Variants in ANK1 observed in about 807,000 individuals in gnomAD.
ANK1 encodes ankyrin 1, also known as ankyrin-1.
In ANK1, 51 loss-of-function variants were observed where a neutral mutation model predicts 210.4. The observed-to-expected ratio is 0.24, with a 90% CI of 0.19 to 0.31. The LOEUF (loss-of-function observed/expected upper bound fraction) is 0.31. ANK1 is among the 10% of genes least tolerant of loss of function. The pLI is 1.00. For missense variants in ANK1, 2,051 were observed against 2,504.4 expected, an observed-to-expected ratio of 0.82 and a Z score of 3.86; for synonymous variants, 967 against 1,025.9, an observed-to-expected ratio of 0.94 and a Z score of 1.10.
At chr8:41,807,609 T>A (rs1851156610) in intron 1 of ANK1, among the ~76,000 whole-genome samples, 2 of 152,026 alleles carry the variant, frequency 1.3e-5, no homozygotes, top group Non-Finnish European at 2.9e-5. Flanking sequence ...GTGCTGGTGG[T>A]GGCAGTGGTC....
chr8:41,721,322 C>T (rs117342379), intron 9 of ANK1, among the ~76,000 whole-genome samples: 76 of 152,166 alleles, frequency 5.0e-4, no homozygotes, highest in Admixed American at 7.9e-4. Flanking sequence ...ACCAGAAGCT[C>T]GGGGAGAGAC....
rs542141905 is a variant in ANK1 at position 41,786,591 on chromosome 8, A to G, written c.27+10921T>C. On this transcript the variant is annotated intron_variant, in intron 1 of 42. Coordinates refer to ENST00000289734, the MANE Select transcript of ANK1 (RefSeq NM_000037.4). ...TCAGAACAGTTATCCTAATCCTGGA[A>G]TGGCTATTTAAGTACCACTTTGTGC... 2.6e-5 allele frequency among the ~76,000 whole-genome samples: 4 copies of G among 152,310 alleles called. No homozygotes were observed. The East Asian group carries it at 7.7e-4, about 29-fold the overall frequency.
rs1563571515 is a variant in ANK1, at chr8:41,724,443, GC to G, written c.711+12del. 7.1e-6 allele frequency: 11 copies of G among 1,558,740 alleles called. No individual in the cohort carries two copies. In the South Asian group the frequency reaches 1.2e-4, roughly 17 times the overall value. ...GCCCCCGGACAGTGAGGGCGCACGT[GC>G]CCCAGGGTTACCTGTGGTGTGAAAT... On this transcript the variant is annotated intron_variant, in intron 7 of 42. Coordinates refer to ENST00000289734, the MANE Select transcript of ANK1 (RefSeq NM_000037.4).
chr8:41,873,134 A>T (rs1815879126), intron 1 of ANK1, among the ~76,000 whole-genome samples: 1 of 152,226 alleles, frequency 6.6e-6, no homozygotes, highest in African/African-American at 2.4e-5. Flanking sequence ...AAAAAGAAAA[A>T]AGTCACTATT....
chr8:41,754,088 T>C (rs1235491996), intron 2 of ANK1, among the ~76,000 whole-genome samples: 2 of 152,200 alleles, frequency 1.3e-5, no homozygotes, highest in East Asian at 3.9e-4. Flanking sequence ...TATCTGTTTG[T>C]GTCATTATTT....
At chr8:41,765,745 C>T (rs938335384) in intron 1 of ANK1, among the ~76,000 whole-genome samples, 2 of 152,136 alleles carry the variant, frequency 1.3e-5, no homozygotes, top group African/African-American at 2.4e-5. Flanking sequence ...CTGAGACACC[C>T]AGACTATTAT....
At chr8:41,845,124 C>A (rs1809767357) in intron 1 of ANK1, among the ~76,000 whole-genome samples, 1 of 152,178 alleles carries the variant, frequency 6.6e-6, no homozygotes, top group Admixed American at 6.5e-5. Context: ...GTGACTCACG[C>A]CTGTAATCCT....
chr8:41,736,076 T>A (rs1398795424), intron 2 of ANK1, among the ~76,000 whole-genome samples: 1 of 152,180 alleles, frequency 6.6e-6, no homozygotes, highest in Non-Finnish European at 1.5e-5. Flanking sequence ...GGTCCAAAGC[T>A]GTGTGGATTC....
chr8:41,896,105 G>A (rs1820471416), intron 1 of ANK1, among the ~76,000 whole-genome samples: 1 of 152,296 alleles, frequency 6.6e-6, no homozygotes, highest in Admixed American at 6.5e-5. Flanking sequence ...CAGCTGGCGG[G>A]AGGATTCTGC....
chr8:41,857,805 G>A (rs531269659), intron 1 of ANK1, among the ~76,000 whole-genome samples: 169 of 150,998 alleles, frequency 1.1e-3, no homozygotes, highest in African/African-American at 3.9e-3. Flanking sequence ...TAGAGAGGCT[G>A]AGGCAGGAGA....
chr8:41,690,033 G>A (rs562413361), intron 33 of ANK1, among the ~76,000 whole-genome samples, 194 bp downstream of exon 33: 6 of 152,306 alleles, frequency 3.9e-5, no homozygotes, highest in Admixed American at 6.5e-5. Flanking sequence ...TTGCAGAGAG[G>A]GCCAGGGCAT....
In ANK1 at chr8:41,688,586, T is replaced by C; in HGVS notation, c.4108A>G (p.Ser1370Gly). ...GTCCTTCTCCTATCTTCGGCTCCACTTCCCTGCAGAAGAAGAAAGGGTGCT... is the reference window on the plus strand; with the variant it reads ...GTCCTTCTCCTATCTTCGGCTCCACCTCCCTGCAGAAGAAGAAAGGGTGCT... ...NITMPPCAKGSGAEDRRRTPT... is the reference protein window; with the variant it reads ...NITMPPCAKGGGAEDRRRTPT... The change falls in exon 34 of 43, where the codon AGT becomes GGT. Residue 1370 changes from serine (S) to glycine (G), a missense_variant. By Grantham distance (56) the Ser-to-Gly change is moderately conservative (BLOSUM62 0). This residue lies in a region of ANK1 where 1,413 missense variants were observed against 1,707.4 expected (regional missense o/e 0.83). Coordinates refer to ENST00000289734, the MANE Select transcript of ANK1 (RefSeq NM_000037.4). The C allele has an allele frequency of 6.2e-7, 1 of 1,613,958 alleles. No individual in the cohort carries two copies. The highest frequency in any genetic ancestry group is 1.1e-5 in the South Asian group (1 of 91,062).
chr8:41,719,884 A>G lies in ANK1; in HGVS notation c.910-26T>C, dbSNP rs375200015. ...CTGGGTAAAGAGGAAAACACAAGCAATCACAAAGTCTTCTGGGGACCGAGC... is the reference window on the plus strand; with the variant it reads ...CTGGGTAAAGAGGAAAACACAAGCAGTCACAAAGTCTTCTGGGGACCGAGC... On this transcript the variant is annotated intron_variant, in intron 9 of 42. Transcript: ENST00000289734. The G allele has an allele frequency of 3.1e-5, 50 of 1,612,826 alleles. No homozygotes were observed. In the African/African-American group the frequency reaches 5.3e-4, roughly 17 times the overall value.
rs1490180645 is a variant in ANK1, at chr8:41,654,958, C to G, written c.*832G>C. The G allele has an allele frequency of 6.6e-6, 1 of 152,592 alleles. No individual in the cohort carries two copies. Among genetic ancestry groups the G allele is most frequent in the African/African-American group, 2.4e-5 (1 of 41,430 alleles). 9.5% of individuals were successfully genotyped at this position (152,592 alleles called of 1,614,324 possible). On this transcript the variant is annotated 3_prime_UTR_variant, in exon 43 of 43. Transcript: ENST00000289734. ...GCCTCAGATTCTTAAGTCCCTAACA[C>G]AAGGAACCCCGAATGCACTCTTCAA...
chr8:41,820,960 C>A (rs1338387889), intron 1 of ANK1, among the ~76,000 whole-genome samples: 1 of 152,116 alleles, frequency 6.6e-6, no homozygotes, highest in Non-Finnish European at 1.5e-5. Flanking sequence ...ACAAAAAGTC[C>A]CTTGGGCAAT....
chr8:41,788,125 G>A (rs752649344), intron 1 of ANK1, among the ~76,000 whole-genome samples: 32 of 152,212 alleles, frequency 2.1e-4, no homozygotes, highest in Non-Finnish European at 3.5e-4. Context: ...AACAAACACA[G>A]TGCTCTTGGC....
chr8:41,686,974 ACACT>A (rs150724887), intron 35 of ANK1, among the ~76,000 whole-genome samples: 1,702 of 152,310 alleles, frequency 0.011, 8 homozygotes, highest in East Asian at 0.03. Context: ...AAACGTGCAC[ACACT>A]CACAACACAT....
chr8:41,808,702 A>G (rs568880880), intron 1 of ANK1, among the ~76,000 whole-genome samples: 1 of 152,102 alleles, frequency 6.6e-6, no homozygotes, highest in Non-Finnish European at 1.5e-5. Context: ...AATGAAAATA[A>G]GAATGTTTGC....
intron 1 of ANK1, among the ~76,000 whole-genome samples, chr8:41,834,030 G>C (rs921236255): frequency 6.6e-6 from 1 of 152,236 alleles, no homozygotes; most frequent in African/African-American, 2.4e-5. Flanking sequence ...ACATGGTGTG[G>C]CTTGGGTGTG....
Sources: gnomAD v4.1 joint callset for allele counts (sites outside exome capture counted in the v4.1 genomes callset) on GRCh38, gnomAD v4.1.1 for gene constraint, gnomAD v4.1.1 regional missense constraint, MANE v1.5 for transcripts, NCBI Gene and HGNC (gene_info 2026-07-23, HGNC 2026-07-21) for gene names.